The following MACROD2 variants were observed in gnomAD, a reference collection of about 807,000 sequenced individuals.
The protein encoded by MACROD2 is ADP-ribose glycohydrolase MACROD2.
In MACROD2, 36 loss-of-function variants were observed where a neutral mutation model predicts 70.4. The observed-to-expected ratio is 0.51, with a 90% confidence interval of 0.39 to 0.68. The LOEUF is 0.68. Among genes scored for constraint, MACROD2 ranks in the 30% least tolerant of loss-of-function variants. The pLI is 0.00. For synonymous variants in MACROD2, 172 were observed against 178.8 expected (o/e 0.96, Z 0.30); for missense variants, 496 against 538.4 (o/e 0.92, Z 0.78).
At chr20:15,768,279 C>T (rs1382696768) in intron 8 of MACROD2, among the ~76,000 whole-genome samples, 1 of 152,106 alleles carries the variant, frequency 6.6e-6, no homozygotes, top group African/African-American at 2.4e-5. Context: ...GCCTATTACA[C>T]CCCTAGGCCA....
At chr20:14,457,057 T>G (rs996106060) in intron 3 of MACROD2, among the ~76,000 whole-genome samples, 1 of 152,016 alleles carries the variant, frequency 6.6e-6, no homozygotes, top group Non-Finnish European at 1.5e-5. Flanking sequence ...TCTTCAAATG[T>G]GTTACTCGCA....
chr20:15,232,013 T>C (rs776043979), intron 6 of MACROD2, among the ~76,000 whole-genome samples: 79 of 152,024 alleles, frequency 5.2e-4, no homozygotes, highest in Non-Finnish European at 8.8e-5. Flanking sequence ...CCATCAAATG[T>C]CTTGTCTCTT....
intron 3 of MACROD2, chr20:14,222,916 C>G (rs1442776126): frequency 6.7e-6 from 1 of 149,942 alleles, no homozygotes; most frequent in African/African-American, 2.5e-5. Flanking sequence ...GTAATGGGAA[C>G]AAGACTAAAT....
intron 3 of MACROD2, among the ~76,000 whole-genome samples, chr20:14,290,794 C>T (rs1223192892): frequency 4.6e-5 from 7 of 152,234 alleles, no homozygotes; most frequent in Non-Finnish European, 8.8e-5. Flanking sequence ...CAGGCGTGAG[C>T]CACTGCGCCC....
intron 3 of MACROD2, among the ~76,000 whole-genome samples, chr20:14,300,029 C>A (rs1021041030): frequency 1.3e-5 from 2 of 152,092 alleles, no homozygotes; most frequent in Non-Finnish European, 2.9e-5. Context: ...GACAGTACAA[C>A]TTTTCCCCAC....
chr20:15,415,750 C>T (rs960413521), intron 6 of MACROD2, among the ~76,000 whole-genome samples: 1 of 152,190 alleles, frequency 6.6e-6, no homozygotes, highest in Admixed American at 6.5e-5. Context: ...ATCCATTCCT[C>T]CTTCCATCTT....
intron 8 of MACROD2, among the ~76,000 whole-genome samples, chr20:15,649,910 C>A (rs1186746822): frequency 6.6e-6 from 1 of 152,146 alleles, no homozygotes; most frequent in African/African-American, 2.4e-5. Context: ...AGTTTCATAT[C>A]TTTTGTAATT....
chr20:15,746,553 G>T, intron 8 of MACROD2, among the ~76,000 whole-genome samples: 1 of 125,584 alleles, frequency 8.0e-6, no homozygotes, highest in Non-Finnish European at 1.6e-5. Flanking sequence ...ATGGTTGTTT[G>T]GTTTCCAGTA....
chr20:15,723,602 C>G (rs1406484387), intron 8 of MACROD2, among the ~76,000 whole-genome samples: 1 of 152,162 alleles, frequency 6.6e-6, no homozygotes, highest in Non-Finnish European at 1.5e-5. Flanking sequence ...TCCTCTGTGT[C>G]TTCTCGTGGC....
intron 5 of MACROD2, among the ~76,000 whole-genome samples, chr20:14,774,217 G>A (rs1358320002): frequency 6.6e-6 from 1 of 151,914 alleles, no homozygotes; most frequent in Non-Finnish European, 1.5e-5. Flanking sequence ...ATGCTTTTTA[G>A]GAACATAAAC....
At chr20:15,265,812 C>G (rs915196085) in intron 6 of MACROD2, among the ~76,000 whole-genome samples, 2 of 152,198 alleles carry the variant, frequency 1.3e-5, no homozygotes, top group African/African-American at 4.8e-5. Flanking sequence ...AAGTTACCAG[C>G]TATCATTGTT....
intron 5 of MACROD2, among the ~76,000 whole-genome samples, chr20:14,709,733 T>C (rs6042876): frequency 0.021 from 3,128 of 152,288 alleles, 120 homozygotes; most frequent in African/African-American, 0.071. Context: ...ATACATTACA[T>C]TCTGATTGTT....
chr20:14,890,372 G>A (rs141604614), intron 5 of MACROD2, among the ~76,000 whole-genome samples: 74 of 152,184 alleles, frequency 4.9e-4, no homozygotes, highest in African/African-American at 1.6e-3. Context: ...AGAGAAAGAG[G>A]CTAAGAAGAT....
At chr20:14,517,483 G>A (rs995556657) in intron 4 of MACROD2, among the ~76,000 whole-genome samples, 3 of 152,032 alleles carry the variant, frequency 2.0e-5, no homozygotes, top group Non-Finnish European at 4.4e-5. Flanking sequence ...TGGGAGTTGA[G>A]CAATGAGAAC....
At chr20:14,016,870 T>C (rs926828527) in intron 2 of MACROD2, among the ~76,000 whole-genome samples, 5 of 151,966 alleles carry the variant, frequency 3.3e-5, no homozygotes, top group Non-Finnish European at 7.4e-5. Flanking sequence ...AATTTTAGGA[T>C]TTTTTTTCCC....
At chr20:14,790,222 C>T (rs1443771118) in intron 5 of MACROD2, among the ~76,000 whole-genome samples, 1 of 151,724 alleles carries the variant, frequency 6.6e-6, no homozygotes, top group African/African-American at 2.4e-5. Flanking sequence ...TATGCCATAG[C>T]CTTCTGTGAG....
chr20:14,261,873 G>A (rs1568526576), intron 3 of MACROD2, among the ~76,000 whole-genome samples: 1 of 135,430 alleles, frequency 7.4e-6, no homozygotes, highest in African/African-American at 2.5e-5. Context: ...GAGTCTTGGA[G>A]AAACGTGATT....
At chr20:15,001,108 G>A (rs1221550324) in intron 5 of MACROD2, among the ~76,000 whole-genome samples, 1 of 152,166 alleles carries the variant, frequency 6.6e-6, no homozygotes, top group Non-Finnish European at 1.5e-5. Context: ...GTGGGGTTCT[G>A]GACGGAGAAG....
At chr20:15,113,249 A>G (rs571070953) in intron 5 of MACROD2, among the ~76,000 whole-genome samples, 103 of 152,188 alleles carry the variant, frequency 6.8e-4, no homozygotes, top group African/African-American at 2.3e-3. Context: ...TTTTTTGTCC[A>G]TATCTAAGTT....
Sources: gnomAD v4.1 joint callset for allele counts (sites outside exome capture counted in the v4.1 genomes callset) on GRCh38, gnomAD v4.1.1 for gene constraint, MANE v1.5 for transcripts, NCBI Gene and HGNC (gene_info 2026-07-23, HGNC 2026-07-21) for gene names.